PPP1R9A: variants seen among roughly 807,000 people sequenced by gnomAD.
The protein encoded by PPP1R9A is protein phosphatase 1 regulatory subunit 9A, also known as neurabin-1.
Under a neutral mutation model 141.9 loss-of-function variants are expected in PPP1R9A, and 59 were observed. The ratio of observed to expected loss-of-function variants is 0.42; its 90% CI spans 0.34 to 0.52. The LOEUF (loss-of-function observed/expected upper bound fraction) is 0.52. Ranked by LOEUF, PPP1R9A falls within the 20% of genes least tolerant of loss-of-function variation. The probability of loss-of-function intolerance (pLI) is 0.10; values close to 1 mark genes in which losing one functional copy is unlikely to be tolerated. For missense variants in PPP1R9A, 1,444 were observed against 1,611.9 expected, an observed-to-expected ratio of 0.90 and a Z score of 1.78; for synonymous variants, 500 against 569.7, an observed-to-expected ratio of 0.88 and a Z score of 1.74.
chr7:94,913,761 A>C (rs1791733112), intron 2 of PPP1R9A, among the ~76,000 whole-genome samples: 1 of 152,164 alleles, frequency 6.6e-6, no homozygotes, highest in East Asian at 1.9e-4. Flanking sequence ...ATTAGATCCA[A>C]TTAAAGTATT....
Position 95,250,328 on chromosome 7 carries a change from A to G in PPP1R9A, c.2396+73A>G, listed in dbSNP as rs1798700924. On this transcript the variant is annotated intron_variant, in intron 10 of 19. Coordinates refer to ENST00000433360, the MANE Select transcript of PPP1R9A (RefSeq NM_001166160.2). ...GGTTTATGTCCAATAATTTTGTAAT[A>G]TCTAGTGGAACAGAAAAGATGACCT... 4 of 1,287,904 alleles carry G rather than the reference A, an allele frequency of 3.1e-6. No homozygotes were observed. In the African/African-American group the frequency reaches 6.0e-5, roughly 19 times the overall value. The allele number at this position is 1,287,904 out of a possible 1,614,324, so 79.8% of individuals were successfully genotyped here. A position where few individuals can be genotyped will look rare whatever the true frequency, so the allele number is the denominator to read the frequency against.
At chr7:95,162,030 T>C in intron 5 of PPP1R9A, 59 bp downstream of exon 5, 2 of 1,112,556 alleles carry the variant, frequency 1.8e-6, no homozygotes, top group Non-Finnish European at 2.6e-6. Context: ...TTTAATTTTC[T>C]ATAGTTTAAC....
chr7:95,216,436 C>T lies in PPP1R9A; in HGVS notation c.1957-9525C>T, dbSNP rs1793436509. 2.6e-5 allele frequency among the ~76,000 whole-genome samples: 4 copies of T among 152,128 alleles called. No individual in the cohort carries two copies. In the South Asian group the frequency reaches 8.3e-4, roughly 31 times the overall value. ...CTTTCTTCTTTTGGCTTAGGATTGT[C>T]TTGGCAATGCAGGCTCTTTTTTGGT... On this transcript the variant is annotated intron_variant, in intron 7 of 19. Transcript: ENST00000433360.
intron 2 of PPP1R9A, among the ~76,000 whole-genome samples, chr7:94,955,857 G>A (rs896822305): frequency 2.0e-5 from 3 of 152,124 alleles, no homozygotes; most frequent in Non-Finnish European, 4.4e-5. Context: ...GGAAGTTTAG[G>A]TCTTCTGTGC....
intron 2 of PPP1R9A, among the ~76,000 whole-genome samples, chr7:95,017,815 G>A (rs936512026): frequency 4.6e-5 from 7 of 152,116 alleles, no homozygotes; most frequent in Non-Finnish European, 7.4e-5. Flanking sequence ...TTTAATAGAT[G>A]TACCTGTTCT....
chr7:95,267,002 G>C (rs534314224), intron 12 of PPP1R9A, among the ~76,000 whole-genome samples: 1 of 152,232 alleles, frequency 6.6e-6, no homozygotes, highest in South Asian at 2.1e-4. Flanking sequence ...TTCTTTATAA[G>C]TACCTGAATG....
Position 95,247,486 on chromosome 7 carries a change from A to C in PPP1R9A, c.2126A>C (p.His709Pro). The C allele has an allele frequency of 6.2e-7, 1 of 1,608,376 alleles. No individual in the cohort carries two copies. Among genetic ancestry groups the C allele is most frequent in the South Asian group, 1.1e-5 (1 of 90,398 alleles). Reference protein sequence around the residue: ...SHKFKELQIKHAVTEAEIQKL... With the variant: ...SHKFKELQIKPAVTEAEIQKL... ...TTCAATTTTCAGTTGCAAATCAAAC[A>C]TGCAGTTACAGAAGCAGAGATTCAA... Residue 709 changes from histidine to proline, a missense_variant, in exon 9 of 20, where the codon CAT (histidine) becomes CCT (proline). This residue lies in a region of PPP1R9A where 488 missense variants were observed against 542.0 expected (regional missense o/e 0.90). Transcript: ENST00000433360.
In PPP1R9A at chr7:95,226,028, C is replaced by T; in HGVS notation, c.2024C>T (p.Ala675Val). ...CCTGTCCTTCCTGGCAGCGACATGGCCATTGAAGTCTTTGAGCTGCCTGAG... is the reference window on the plus strand; with the variant it reads ...CCTGTCCTTCCTGGCAGCGACATGGTCATTGAAGTCTTTGAGCTGCCTGAG... ...VGPVLPGSDM[A>V]IEVFELPENE... Residue 675 changes from alanine to valine, a missense_variant, in exon 8 of 20, where the codon GCC becomes GTC. Transcript: ENST00000433360. The T allele has an allele frequency of 6.8e-6, 11 of 1,613,596 alleles. No individual in the cohort carries two copies. Among genetic ancestry groups the T allele is most frequent in the Non-Finnish European group, 9.3e-6 (11 of 1,179,662 alleles).
intron 2 of PPP1R9A, among the ~76,000 whole-genome samples, chr7:95,007,768 C>G (rs1025363136): frequency 3.3e-5 from 5 of 151,992 alleles, no homozygotes; most frequent in Non-Finnish European, 7.4e-5. Flanking sequence ...GTGGCTGTTA[C>G]AAAGTTATAG....
At chr7:95,061,782 A>G (rs1267725571) in intron 2 of PPP1R9A, among the ~76,000 whole-genome samples, 1 of 152,172 alleles carries the variant, frequency 6.6e-6, no homozygotes, top group Non-Finnish European at 1.5e-5. Context: ...TGTGTTTGCA[A>G]CATAATACAG....
chr7:95,258,410 G>A (rs187881457), intron 12 of PPP1R9A, among the ~76,000 whole-genome samples: 18 of 152,138 alleles, frequency 1.2e-4, no homozygotes, highest in Admixed American at 1.0e-3. Context: ...GTAGATTCTG[G>A]ATATTAGCCC....
intron 2 of PPP1R9A, among the ~76,000 whole-genome samples, chr7:94,993,287 A>G (rs1801747421): frequency 6.6e-6 from 1 of 152,106 alleles, no homozygotes; most frequent in Non-Finnish European, 1.5e-5. Context: ...TGATGCCAGT[A>G]CCACATTCTG....
chr7:95,173,527 TA>T (rs1191263602), intron 5 of PPP1R9A, among the ~76,000 whole-genome samples: 1 of 151,960 alleles, frequency 6.6e-6, no homozygotes, highest in Admixed American at 6.6e-5. Flanking sequence ...CGTCAAAATT[TA>T]AAACATTTGT....
chr7:94,953,392 T>C (rs765117959), intron 2 of PPP1R9A, among the ~76,000 whole-genome samples: 1 of 152,222 alleles, frequency 6.6e-6, no homozygotes, highest in Non-Finnish European at 1.5e-5. Flanking sequence ...TCAGGTAGCA[T>C]GATGCCTCCA....
chr7:95,199,828 C>G (rs559253877), intron 6 of PPP1R9A, among the ~76,000 whole-genome samples: 2 of 152,192 alleles, frequency 1.3e-5, no homozygotes, highest in African/African-American at 4.8e-5. Flanking sequence ...GTTTTCAATT[C>G]TTTACATTAG....
intron 2 of PPP1R9A, among the ~76,000 whole-genome samples, chr7:95,069,103 G>C (rs1299401229): frequency 6.6e-6 from 1 of 152,122 alleles, no homozygotes. Flanking sequence ...TATTGTTTAA[G>C]GAATAATGAC....
chr7:94,924,730 A>C (rs1306960487), intron 2 of PPP1R9A, among the ~76,000 whole-genome samples: 1 of 152,022 alleles, frequency 6.6e-6, no homozygotes, highest in African/African-American at 2.4e-5. Context: ...GGGTTTCACC[A>C]TGTTGGCCAG....
intron 7 of PPP1R9A, among the ~76,000 whole-genome samples, chr7:95,218,246 A>C (rs1282167203): frequency 6.6e-6 from 1 of 152,182 alleles, no homozygotes; most frequent in African/African-American, 2.4e-5. Context: ...ATTCAGGAGC[A>C]GCTTGTTCAG....
intron 19 of PPP1R9A, among the ~76,000 whole-genome samples, chr7:95,289,339 G>A (rs1295604434): frequency 6.6e-6 from 1 of 152,168 alleles, no homozygotes; most frequent in Non-Finnish European, 1.5e-5. Flanking sequence ...GCCCCCTGCT[G>A]GGCTGACGGG....
Sources: allele counts gnomAD v4.1 joint callset (sites outside exome capture counted in the v4.1 genomes callset), GRCh38; gene constraint gnomAD v4.1.1; regional missense constraint gnomAD v4.1.1; transcripts MANE v1.5; gene names NCBI Gene and HGNC (gene_info 2026-07-23, HGNC 2026-07-21).